Variants in TACR1 observed in about 807,000 individuals in gnomAD.
TACR1 encodes the protein substance-P receptor.
Under a neutral mutation model 35.8 loss-of-function variants are expected in TACR1, and 25 were observed. That is an observed-to-expected ratio of 0.70 (90% CI 0.51 to 0.98). The LOEUF is 0.98. Ranked by LOEUF, TACR1 falls within the 50% of genes least tolerant of loss-of-function variation. TACR1 has a pLI of 0.00. For missense variants in TACR1, 478 were observed against 522.9 expected, an observed-to-expected ratio of 0.91 and a Z score of 0.84; for synonymous variants, 195 against 206.7, an observed-to-expected ratio of 0.94 and a Z score of 0.48.
intron 1 of TACR1, among the ~76,000 whole-genome samples, chr2:75,129,266 C>G (rs1021462009): frequency 6.6e-6 from 1 of 152,216 alleles, no homozygotes; most frequent in Non-Finnish European, 1.5e-5. Flanking sequence ...GCTGCTGTCA[C>G]TGCAGTATTG....
intron 2 of TACR1, among the ~76,000 whole-genome samples, chr2:75,102,404 G>A (rs138963829): frequency 8.5e-5 from 13 of 152,220 alleles, no homozygotes; most frequent in Admixed American, 7.2e-4. Context: ...ACTGATACAC[G>A]ATCTTACTTC....
chr2:75,179,652 G>A (rs868739233), intron 1 of TACR1, among the ~76,000 whole-genome samples: 1 of 152,208 alleles, frequency 6.6e-6, no homozygotes, highest in African/African-American at 2.4e-5. Flanking sequence ...AATGGACTAT[G>A]AAGAGAAGTG....
At chr2:75,147,226 C>T (rs1184466265) in intron 1 of TACR1, among the ~76,000 whole-genome samples, 1 of 152,214 alleles carries the variant, frequency 6.6e-6, no homozygotes, top group Non-Finnish European at 1.5e-5. Flanking sequence ...CCCTGAGATG[C>T]TTGGCACATG....
At chr2:75,076,506 A>T (rs1672983433) in intron 2 of TACR1, among the ~76,000 whole-genome samples, 1 of 152,230 alleles carries the variant, frequency 6.6e-6, no homozygotes, top group Non-Finnish European at 1.5e-5. Context: ...AAGTCAGTAT[A>T]GACTGATTCC....
chr2:75,184,094 C>T (rs1256416001), intron 1 of TACR1, among the ~76,000 whole-genome samples: 8 of 151,908 alleles, frequency 5.3e-5, no homozygotes, highest in Non-Finnish European at 1.2e-4. Context: ...GATGCAAAAA[C>T]GTAAATGAAA....
chr2:75,062,442 A>G (rs1415964808), intron 2 of TACR1, among the ~76,000 whole-genome samples: 2 of 152,228 alleles, frequency 1.3e-5, no homozygotes, highest in Non-Finnish European at 2.9e-5. Flanking sequence ...TGAAAACAAC[A>G]CTATGTCACA....
chr2:75,105,835 A>G (rs932105735), intron 2 of TACR1, among the ~76,000 whole-genome samples: 1 of 151,968 alleles, frequency 6.6e-6, no homozygotes, highest in Admixed American at 6.6e-5. Context: ...ATCTGCCACA[A>G]AAAACCTGAT....
chr2:75,097,963 A>G (rs989122540), intron 2 of TACR1, among the ~76,000 whole-genome samples: 5 of 152,226 alleles, frequency 3.3e-5, no homozygotes, highest in Non-Finnish European at 7.3e-5. Context: ...TTACAATTTC[A>G]AAATACAATG....
At chr2:75,169,359 G>A (rs1290760387) in intron 1 of TACR1, among the ~76,000 whole-genome samples, 2 of 152,096 alleles carry the variant, frequency 1.3e-5, no homozygotes, top group African/African-American at 4.8e-5. Flanking sequence ...GGATGTGATG[G>A]TTCTACTCTC....
chr2:75,105,895 A>G (rs567465864), intron 2 of TACR1, among the ~76,000 whole-genome samples: 1 of 152,164 alleles, frequency 6.6e-6, no homozygotes, highest in South Asian at 2.1e-4. Flanking sequence ...GAAGTCTGAG[A>G]AACTGTCACA....
chr2:75,192,239 T>C (rs976632171), intron 1 of TACR1, among the ~76,000 whole-genome samples: 1 of 149,380 alleles, frequency 6.7e-6, no homozygotes, highest in African/African-American at 2.5e-5. Context: ...GATGTAAAGT[T>C]GGAGGAACCA....
chr2:75,108,247 G>T lies in TACR1; in HGVS notation c.584+12327C>A, dbSNP rs182637024. Among the ~76,000 whole-genome samples, 8 of 152,070 alleles carry T rather than the reference G, an allele frequency of 5.3e-5. No individual in the cohort carries two copies. The East Asian group carries it at 1.5e-3, about 29-fold the overall frequency. On this transcript the variant is annotated intron_variant, in intron 2 of 4. Coordinates refer to ENST00000305249, the MANE Select transcript of TACR1 (RefSeq NM_001058.4). ...GAAAACCAAACAAATATTACTTTTT[G>T]ATATTGATATAAAAATCCTATGTAA...
chr2:75,113,868 G>A (rs1037072514), intron 2 of TACR1, among the ~76,000 whole-genome samples: 1 of 151,914 alleles, frequency 6.6e-6, no homozygotes, highest in African/African-American at 2.4e-5. Context: ...TAATCAAGAA[G>A]ACGGAAAATT....
At chr2:75,175,566 G>A (rs777116136) in intron 1 of TACR1, among the ~76,000 whole-genome samples, 12 of 151,944 alleles carry the variant, frequency 7.9e-5, no homozygotes, top group Non-Finnish European at 1.3e-4. Context: ...TTTGCTCATG[G>A]CCTTTTGCTC....
chr2:75,141,785 C>A (rs1674413513), intron 1 of TACR1, among the ~76,000 whole-genome samples: 1 of 152,120 alleles, frequency 6.6e-6, no homozygotes. Context: ...TTGGATATTC[C>A]AAGAGGGTCA....
intron 2 of TACR1, among the ~76,000 whole-genome samples, chr2:75,098,477 A>G (rs559878397): frequency 1.3e-5 from 2 of 152,312 alleles, no homozygotes; most frequent in Non-Finnish European, 2.9e-5. Flanking sequence ...TATCCCAGAA[A>G]TATTTCTTGG....
At chr2:75,181,030 T>A (rs1675547290) in intron 1 of TACR1, among the ~76,000 whole-genome samples, 1 of 152,212 alleles carries the variant, frequency 6.6e-6, no homozygotes, top group African/African-American at 2.4e-5. Flanking sequence ...CTTTAACTTC[T>A]TCCACATTCT....
chr2:75,057,804 G>A (rs1006133565), intron 2 of TACR1, among the ~76,000 whole-genome samples: 3 of 152,124 alleles, frequency 2.0e-5, no homozygotes, highest in Admixed American at 6.5e-5. Flanking sequence ...AAGTATCTCT[G>A]GAAATGGAAG....
chr2:75,174,419 G>T (rs1397549916), intron 1 of TACR1, among the ~76,000 whole-genome samples: 3 of 152,148 alleles, frequency 2.0e-5, no homozygotes, highest in Non-Finnish European at 2.9e-5. Context: ...CTAACGGTAG[G>T]TAGCATAGAC....
Sources: allele counts gnomAD v4.1 joint callset (sites outside exome capture counted in the v4.1 genomes callset), GRCh38; gene constraint gnomAD v4.1.1; transcripts MANE v1.5; gene names NCBI Gene and HGNC (gene_info 2026-07-23, HGNC 2026-07-21).